Variants in ANKS1B observed in about 807,000 individuals in gnomAD.
The protein encoded by ANKS1B is ankyrin repeat and sterile alpha motif domain-containing protein 1B.
In ANKS1B, 36 loss-of-function variants were observed where a neutral mutation model predicts 148.3. The ratio of observed to expected loss-of-function variants is 0.24; its 90% CI spans 0.19 to 0.32. The LOEUF (loss-of-function observed/expected upper bound fraction) is 0.32, where lower values mean the gene tolerates loss of function less well. Ranked by LOEUF, ANKS1B falls within the 10% of genes least tolerant of loss-of-function variation. The pLI, the probability that ANKS1B is intolerant of heterozygous loss-of-function variation, is 1.00. For missense variants in ANKS1B, 1,157 were observed against 1,542.6 expected (o/e 0.75, Z 4.19); for synonymous variants, 542 against 560.8 (o/e 0.97, Z 0.47).
intron 17 of ANKS1B, among the ~76,000 whole-genome samples, chr12:98,870,236 TGCTTTC>T (rs1415663075): frequency 4.6e-5 from 7 of 152,258 alleles, no homozygotes; most frequent in Non-Finnish European, 1.5e-5. Context: ...ATTATTACTG[TGCTTTC>T]GGGATCACTG....
chr12:99,540,580 A>G (rs1039321801), intron 9 of ANKS1B, among the ~76,000 whole-genome samples: 2 of 152,188 alleles, frequency 1.3e-5, no homozygotes, highest in African/African-American at 4.8e-5. Flanking sequence ...GTGCCAAAGA[A>G]GAATTCTGAA....
chr12:99,276,133 T>C (rs929688984), intron 12 of ANKS1B, among the ~76,000 whole-genome samples: 1 of 152,184 alleles, frequency 6.6e-6, no homozygotes, highest in Non-Finnish European at 1.5e-5. Flanking sequence ...TTTTACTGAG[T>C]CCTTACTTAG....
At chr12:99,308,608 T>A (rs1352375351) in intron 12 of ANKS1B, among the ~76,000 whole-genome samples, 1 of 151,938 alleles carries the variant, frequency 6.6e-6, no homozygotes, top group Admixed American at 6.6e-5. Flanking sequence ...TTTGGCTCCT[T>A]GTTTTTCCTC....
In ANKS1B at chr12:99,964,234, G is replaced by T. The variant is rs74965066; in HGVS notation, c.134+19870C>A. 8.4e-3 allele frequency among the ~76,000 whole-genome samples: 1,273 copies of T among 152,246 alleles called. 21 individuals are homozygous for T. The highest frequency in any genetic ancestry group is 0.029 in the African/African-American group (1,209 of 41,542). On this transcript the variant is annotated intron_variant, in intron 1 of 26. Coordinates refer to ENST00000683438, the MANE Select transcript of ANKS1B (RefSeq NM_001352186.2). ...GTATCCAGGAGAATTGCCACACAGT[G>T]CTCATGCTTTGGTCATAATCTGATG...
chr12:98,812,482 G>A (rs2099105054), intron 19 of ANKS1B, among the ~76,000 whole-genome samples: 1 of 152,228 alleles, frequency 6.6e-6, no homozygotes, highest in Admixed American at 6.5e-5. Context: ...CCCATCATTA[G>A]GTTATGCGTA....
At chr12:99,022,929 A>G (rs2099946658) in intron 17 of ANKS1B, among the ~76,000 whole-genome samples, 1 of 152,158 alleles carries the variant, frequency 6.6e-6, no homozygotes, top group Non-Finnish European at 1.5e-5. Context: ...ATTTTACTGT[A>G]AATCTGTATT....
rs183631957 is a variant in ANKS1B at position 98,737,981 on chromosome 12, C to G, written c.691-2347G>C. Reference sequence around the variant, plus strand: ...ATACATTCCTTGCTCATAACCACTCCCCTTGGGACCGTGGATATACTATAC... The same window carrying G: ...ATACATTCCTTGCTCATAACCACTCGCCTTGGGACCGTGGATATACTATAC... On this transcript the variant is annotated intron_variant, in intron 9 of 9. Transcript: ENST00000341752. Among the ~76,000 whole-genome samples the G allele has an allele frequency of 2.2e-4, 33 of 152,258 alleles. 3 individuals are homozygous for G. Among genetic ancestry groups the G allele is most frequent in the Admixed American group, 2.1e-3 (32 of 15,288 alleles).
At chr12:99,890,116 C>T (rs185752908) in intron 1 of ANKS1B, among the ~76,000 whole-genome samples, 1 of 152,118 alleles carries the variant, frequency 6.6e-6, no homozygotes, top group Admixed American at 6.6e-5. Context: ...TGAAGAAAAT[C>T]AAACTTGGAG....
chr12:98,955,301 C>T (rs1486334160), intron 17 of ANKS1B, among the ~76,000 whole-genome samples: 1 of 152,116 alleles, frequency 6.6e-6, no homozygotes, highest in Non-Finnish European at 1.5e-5. Context: ...ATGTAGCTAT[C>T]TGAGGGAAGA....
At chr12:99,362,973 C>T (rs548704901) in intron 12 of ANKS1B, among the ~76,000 whole-genome samples, 1 of 152,030 alleles carries the variant, frequency 6.6e-6, no homozygotes, top group East Asian at 1.9e-4. Flanking sequence ...ATTATTATTT[C>T]CACTAGGGTC....
intron 14 of ANKS1B, among the ~76,000 whole-genome samples, chr12:99,179,969 T>C (rs1202360282): frequency 1.3e-5 from 2 of 152,176 alleles, no homozygotes; most frequent in African/African-American, 2.4e-5. Context: ...GTAACATTCA[T>C]TTCTATGAAC....
In ANKS1B at chr12:99,366,871, AT is replaced by A. The variant is rs531821856; in HGVS notation, c.1756+32759del. 3.2e-4 allele frequency among the ~76,000 whole-genome samples: 48 copies of A among 152,308 alleles called. No individual in the cohort carries two copies. The South Asian group carries it at 6.4e-3, about 20-fold the overall frequency. On this transcript the variant is annotated intron_variant, in intron 12 of 26. Coordinates refer to ENST00000683438, the MANE Select transcript of ANKS1B (RefSeq NM_001352186.2). ...TAAAAAAAAGAAATGGCCAAAAAAA[AT>A]CATCATAAACAAAATCAGAGGACAA...
intron 1 of ANKS1B, among the ~76,000 whole-genome samples, chr12:99,930,728 C>T (rs1486539768): frequency 6.6e-6 from 1 of 152,146 alleles, no homozygotes; most frequent in Non-Finnish European, 1.5e-5. Flanking sequence ...AATAGGAATA[C>T]TTTTACACTG....
intron 8 of ANKS1B, among the ~76,000 whole-genome samples, chr12:99,755,328 A>G (rs776941678): frequency 2.0e-5 from 3 of 150,544 alleles, no homozygotes; most frequent in Non-Finnish European, 4.5e-5. Context: ...AGCAAACCAA[A>G]CCTCTGAAAT....
chr12:99,014,419 C>T (rs906234004), intron 17 of ANKS1B, among the ~76,000 whole-genome samples: 12 of 151,950 alleles, frequency 7.9e-5, no homozygotes, highest in African/African-American at 2.7e-4. Context: ...CTACAAAAAC[C>T]CTGGAAGACA....
chr12:99,168,204 G>T (rs1688644), intron 14 of ANKS1B, among the ~76,000 whole-genome samples: 127,401 of 152,172 alleles, frequency 0.84, 53,798 homozygotes, highest in East Asian at 0.99. Context: ...GTAGGTTAAT[G>T]ATACCTCAAT....
rs2097768235 is a variant in ANKS1B, at chr12:98,735,393, T to A, written c.*167A>T. On this transcript the variant is annotated 3_prime_UTR_variant, in exon 10 of 10. Transcript: ENST00000341752. Reference sequence around the variant, plus strand: ...CATTTTAAAATATGAATTTAAAAAATTTTTGTAAAAATAAAATTCACAAAA... The same window carrying A: ...CATTTTAAAATATGAATTTAAAAAAATTTTGTAAAAATAAAATTCACAAAA... The A allele has an allele frequency of 1.2e-5, 5 of 429,368 alleles. No homozygotes were observed. In the East Asian group the frequency reaches 1.6e-4, roughly 14 times the overall value. The allele number at this position is 429,368 out of a possible 1,614,324, so 26.6% of individuals were successfully genotyped here. A position where few individuals can be genotyped will look rare whatever the true frequency, so the allele number is the denominator to read the frequency against.
chr12:98,886,935 T>C (rs2099741429), intron 17 of ANKS1B, among the ~76,000 whole-genome samples: 1 of 152,042 alleles, frequency 6.6e-6, no homozygotes, highest in Non-Finnish European at 1.5e-5. Context: ...GCAGAATCCA[T>C]GGGTCTTTCT....
intron 1 of ANKS1B, among the ~76,000 whole-genome samples, chr12:99,915,326 G>A (rs1489481754): frequency 4.0e-5 from 6 of 151,838 alleles, no homozygotes; most frequent in Admixed American, 3.9e-4. Flanking sequence ...AGTCAGCTGA[G>A]CCTATCTGAC....
Sources: allele counts gnomAD v4.1 joint callset (sites outside exome capture counted in the v4.1 genomes callset), GRCh38; gene constraint gnomAD v4.1.1; transcripts MANE v1.5; gene names NCBI Gene and HGNC (gene_info 2026-07-23, HGNC 2026-07-21).